NAALADL2: variants seen among roughly 807,000 people sequenced by gnomAD.
NAALADL2 encodes inactive N-acetylated-alpha-linked acidic dipeptidase-like protein 2.
Under a neutral mutation model 87.2 loss-of-function variants are expected in NAALADL2, and 76 were observed. The ratio of observed to expected loss-of-function variants is 0.87; its 90% CI spans 0.72 to 1.05. NAALADL2 has a LOEUF of 1.05. NAALADL2 is among the 50% of genes least tolerant of loss of function. The pLI is 0.00. For missense variants in NAALADL2, 1,089 were observed against 945.8 expected (o/e 1.15, Z -1.99); for synonymous variants, 354 against 331.0 (o/e 1.07, Z -0.75).
chr3:175,636,337 C>T (rs567060315), intron 11 of NAALADL2, among the ~76,000 whole-genome samples: 1 of 152,164 alleles, frequency 6.6e-6, no homozygotes, highest in East Asian at 1.9e-4. Flanking sequence ...ACCCATTTGC[C>T]AAATCTGGAT....
intron 1 of NAALADL2, among the ~76,000 whole-genome samples, chr3:174,460,960 C>G (rs941531204): frequency 6.6e-6 from 1 of 151,900 alleles, no homozygotes; most frequent in Non-Finnish European, 1.5e-5. Flanking sequence ...TCTGAAAAAC[C>G]CCTTGTTCCG....
intron 9 of NAALADL2, among the ~76,000 whole-genome samples, chr3:175,524,980 G>T (rs547595892): frequency 6.6e-6 from 1 of 152,190 alleles, no homozygotes; most frequent in South Asian, 2.1e-4. Flanking sequence ...GCAGCAAAAA[G>T]AAGGCAGGAT....
intron 5 of NAALADL2, among the ~76,000 whole-genome samples, chr3:175,420,131 G>A (rs936845164): frequency 6.6e-5 from 10 of 151,848 alleles, no homozygotes; most frequent in African/African-American, 1.4e-4. Flanking sequence ...ACAGATGCCC[G>A]CAGTTAGATG....
Position 175,806,836 on chromosome 3 carries a change from G to A in NAALADL2, c.*3633G>A, listed in dbSNP as rs1754751029. On this transcript the variant is annotated 3_prime_UTR_variant, in exon 14 of 14. Transcript: ENST00000454872. ...CTGGGCCCACTGTATTCAGTTCTTT[G>A]TTCTTTACACTGAGTGCCGAAAAAA... The A allele has an allele frequency of 6.7e-6, 1 of 148,906 alleles. No homozygotes were observed. The highest frequency in any genetic ancestry group is 6.8e-5 in the Admixed American group (1 of 14,732). The allele number at this position is 148,906 out of a possible 1,614,324, so 9.2% of individuals were successfully genotyped here. A position where few individuals can be genotyped will look rare whatever the true frequency, so the allele number is the denominator to read the frequency against.
chr3:175,144,485 T>G (rs937470161), intron 2 of NAALADL2, among the ~76,000 whole-genome samples: 3 of 152,024 alleles, frequency 2.0e-5, no homozygotes, highest in African/African-American at 7.2e-5. Context: ...TAATACAGTC[T>G]AAAGTGTAAA....
chr3:175,732,793 T>A (rs979397689), intron 11 of NAALADL2, among the ~76,000 whole-genome samples: 5 of 151,622 alleles, frequency 3.3e-5, no homozygotes, highest in African/African-American at 1.2e-4. Flanking sequence ...AGGAATTGGT[T>A]GGTAAATTTG....
intron 9 of NAALADL2, among the ~76,000 whole-genome samples, chr3:175,483,315 T>A (rs1360697977): frequency 6.7e-6 from 1 of 148,870 alleles, no homozygotes; most frequent in East Asian, 1.9e-4. Flanking sequence ...GCAATTGACT[T>A]TACTTTTTGG....
intron 1 of NAALADL2, among the ~76,000 whole-genome samples, chr3:174,466,963 T>C (rs1388252178): frequency 6.6e-6 from 1 of 152,212 alleles, no homozygotes; most frequent in Non-Finnish European, 1.5e-5. Context: ...TTTAGAATAT[T>C]GTCCACTGTC....
At chr3:174,791,532 G>C (rs888269115) in intron 3 of NAALADL2, among the ~76,000 whole-genome samples, 3 of 152,144 alleles carry the variant, frequency 2.0e-5, no homozygotes, top group Non-Finnish European at 4.4e-5. Flanking sequence ...ATACATTTCT[G>C]TTGTTTATGA....
chr3:174,488,460 G>A (rs1487791753), intron 1 of NAALADL2, among the ~76,000 whole-genome samples: 1 of 152,032 alleles, frequency 6.6e-6, no homozygotes, highest in Non-Finnish European at 1.5e-5. Context: ...CTGAGCACAA[G>A]GTTTCAGTTA....
At chr3:175,343,633 A>G (rs974863513) in intron 5 of NAALADL2, among the ~76,000 whole-genome samples, 1 of 108,070 alleles carries the variant, frequency 9.3e-6, no homozygotes, top group Non-Finnish European at 2.0e-5. Flanking sequence ...GTCTGCCTGG[A>G]GTTCCTGTGT....
intron 1 of NAALADL2, among the ~76,000 whole-genome samples, chr3:174,877,277 C>T (rs1728627979): frequency 6.6e-6 from 1 of 152,136 alleles, no homozygotes; most frequent in Non-Finnish European, 1.5e-5. Context: ...ATGCACCAAA[C>T]TTGAGATCTC....
At position 175,504,425 on chromosome 3, in the gene NAALADL2, T is replaced by C. The variant is rs142957184; in HGVS notation, c.1653+32667T>C. ...TGTAAGTTGAAGCTCTAGCCCCTAA[T>C]GTGACTCTTTCTGGAGATAGGGTCT... is the stretch of plus-strand genomic sequence containing the variant. On this transcript the variant is annotated intron_variant, in intron 9 of 13. Coordinates refer to ENST00000454872, the MANE Select transcript of NAALADL2 (RefSeq NM_207015.3). Among the ~76,000 whole-genome samples, 503 of 152,290 alleles carry C rather than the reference T, an allele frequency of 3.3e-3. 4 individuals carry two copies. Among genetic ancestry groups the C allele is most frequent in the Middle Eastern group, 0.02 (6 of 294 alleles).
At chr3:175,056,397 GA>G (rs565021895) in intron 1 of NAALADL2, among the ~76,000 whole-genome samples, 364 of 152,160 alleles carry the variant, frequency 2.4e-3, no homozygotes, top group African/African-American at 8.1e-3. Context: ...CTCACCATGG[GA>G]ATTGCTTTAA....
At chr3:175,133,458 G>A (rs1025163509) in intron 2 of NAALADL2, among the ~76,000 whole-genome samples, 13 of 152,226 alleles carry the variant, frequency 8.5e-5, no homozygotes, top group South Asian at 2.1e-4. Context: ...ACCAGACTCC[G>A]TCTGCAATCC....
chr3:174,938,182 G>C (rs4417875), intron 1 of NAALADL2, among the ~76,000 whole-genome samples: 59,787 of 151,766 alleles, frequency 0.39, 14,234 homozygotes, highest in African/African-American at 0.66. Flanking sequence ...CTCCCACCCT[G>C]CACTCTCAAC....
At chr3:175,122,003 G>A (rs1378691753) in intron 2 of NAALADL2, among the ~76,000 whole-genome samples, 2 of 151,766 alleles carry the variant, frequency 1.3e-5, no homozygotes, top group African/African-American at 4.8e-5. Flanking sequence ...TGTAATAGTT[G>A]AAAGGAAATG....
chr3:175,383,241 A>G (rs1009703114), intron 5 of NAALADL2, among the ~76,000 whole-genome samples: 5 of 152,040 alleles, frequency 3.3e-5, no homozygotes, highest in Non-Finnish European at 7.4e-5. Flanking sequence ...GTTGTTAACT[A>G]TAGTCATCCC....
intron 1 of NAALADL2, among the ~76,000 whole-genome samples, chr3:174,975,216 G>A (rs1384722091): frequency 1.3e-5 from 2 of 152,084 alleles, no homozygotes; most frequent in African/African-American, 4.8e-5. Flanking sequence ...AAGCTGACTT[G>A]ACATCTTTCT....
Sources: gnomAD v4.1 joint callset for allele counts (sites outside exome capture counted in the v4.1 genomes callset) on GRCh38, gnomAD v4.1.1 for gene constraint, MANE v1.5 for transcripts, NCBI Gene and HGNC (gene_info 2026-07-23, HGNC 2026-07-21) for gene names.